GABRB1: variants seen among roughly 807,000 people sequenced by gnomAD.
GABRB1 encodes gamma-aminobutyric acid type A receptor subunit beta1, also known as gamma-aminobutyric acid receptor subunit beta-1.
Under a neutral mutation model 51.6 loss-of-function variants are expected in GABRB1, and 17 were observed. That is an observed-to-expected ratio of 0.33 (90% confidence interval 0.23 to 0.49). GABRB1 has a LOEUF of 0.49. Ranked by LOEUF, GABRB1 falls within the 20% of genes least tolerant of loss-of-function variation. The pLI, the probability that GABRB1 is intolerant of heterozygous loss-of-function variation, is 0.99. For synonymous variants in GABRB1, 247 were observed against 218.9 expected (o/e 1.13, Z -1.14); for missense variants, 410 against 600.6 (o/e 0.68, Z 3.32).
rs146728463 is a variant in GABRB1, at chr4:47,167,910, A to G, written c.461+6441A>G. Among the ~76,000 whole-genome samples, 670 of 152,266 alleles carry G rather than the reference A, an allele frequency of 4.4e-3. 2 individuals carry two copies. The highest frequency in any genetic ancestry group is 0.014 in the South Asian group (66 of 4,830). ...GGGAGCCAGTAAATTTCTGTTTATT[A>G]TAAATTACCCAGTTCATGGTATTCT... On this transcript the variant is annotated intron_variant, in intron 4 of 8. Coordinates refer to ENST00000295454, the MANE Select transcript of GABRB1 (RefSeq NM_000812.4).
At chr4:47,330,089 A>G (rs1279912860) in intron 5 of GABRB1, among the ~76,000 whole-genome samples, 1 of 152,190 alleles carries the variant, frequency 6.6e-6, no homozygotes, top group Non-Finnish European at 1.5e-5. Flanking sequence ...GTTCAAAAGC[A>G]GGAAAAAACC....
chr4:47,008,900 G>T (rs1252977071), intron 1 of GABRB1, among the ~76,000 whole-genome samples: 1 of 48,876 alleles, frequency 2.0e-5, no homozygotes, highest in Non-Finnish European at 3.9e-5. Flanking sequence ...GTCTCGCTCT[G>T]TTTCCCAGGC....
chr4:47,340,656 A>G (rs950877398), intron 5 of GABRB1, among the ~76,000 whole-genome samples: 2 of 152,090 alleles, frequency 1.3e-5, no homozygotes, highest in African/African-American at 4.8e-5. Context: ...TCATGATTTA[A>G]TCACCTCCCA....
rs761354918 is a variant in GABRB1, at chr4:47,161,379, T to C, written c.371T>C (p.Leu124Pro). The change falls in exon 4 of 9, where the codon CTG (leucine) becomes CCG (proline). Residue 124 changes from leucine (L) to proline (P), a missense_variant. Physicochemically the swap from Leu to Pro is moderately conservative, Grantham distance 98. Around this residue, in one of 5 missense-constraint regions of GABRB1, gnomAD observed 100 missense variants for 184.3 expected, o/e 0.54. Transcript: ENST00000295454. ...DQLWVPDTYFLNDKKSFVHGV... is the reference protein window; with the variant it reads ...DQLWVPDTYFPNDKKSFVHGV... ...CTCTGGGTACCAGACACCTACTTTC[T>C]GAATGACAAGAAATCATTTGTGCAT... is the stretch of plus-strand genomic sequence containing the variant. 1 of 1,612,936 alleles carries C rather than the reference T, an allele frequency of 6.2e-7. No homozygotes were observed. Among genetic ancestry groups the C allele is most frequent in the Non-Finnish European group, 8.5e-7 (1 of 1,179,284 alleles).
intron 4 of GABRB1, among the ~76,000 whole-genome samples, chr4:47,196,480 G>C (rs535908353): frequency 6.6e-6 from 1 of 152,290 alleles, no homozygotes; most frequent in South Asian, 2.1e-4. Flanking sequence ...GACGGCCCTT[G>C]TAGAACATGG....
chr4:47,242,061 G>T (rs542657057), intron 4 of GABRB1, among the ~76,000 whole-genome samples: 1 of 144,386 alleles, frequency 6.9e-6, no homozygotes, highest in Non-Finnish European at 1.5e-5. Flanking sequence ...GACAGGCCCC[G>T]GTGTGTGATG....
At chr4:47,140,483 CT>C (rs547825797) in intron 3 of GABRB1, among the ~76,000 whole-genome samples, 3 of 151,836 alleles carry the variant, frequency 2.0e-5, no homozygotes, top group Non-Finnish European at 4.4e-5. Context: ...CTCCTAAACA[CT>C]TTTTTTGTAT....
At chr4:47,382,907 A>G (rs957725974) in intron 5 of GABRB1, among the ~76,000 whole-genome samples, 1 of 152,206 alleles carries the variant, frequency 6.6e-6, no homozygotes, top group Non-Finnish European at 1.5e-5. Flanking sequence ...AGCAAAACCA[A>G]TAATAATCGA....
chr4:47,004,142 C>G (rs1285867712), intron 1 of GABRB1, among the ~76,000 whole-genome samples: 1 of 152,048 alleles, frequency 6.6e-6, no homozygotes, highest in Non-Finnish European at 1.5e-5. Context: ...GCGCGTCCCA[C>G]CAAGCCTGTC....
chr4:47,067,748 T>G (rs116473672), intron 3 of GABRB1, among the ~76,000 whole-genome samples: 2,215 of 152,232 alleles, frequency 0.015, 43 homozygotes, highest in African/African-American at 0.051. Flanking sequence ...AACTTTTATT[T>G]AAGTTCTGGG....
intron 4 of GABRB1, among the ~76,000 whole-genome samples, chr4:47,171,245 T>C (rs1205910265): frequency 2.0e-5 from 3 of 150,392 alleles, no homozygotes; most frequent in Non-Finnish European, 3.0e-5. Context: ...GTATGTCTCG[T>C]GGAAGAATAT....
At chr4:47,198,889 G>A (rs1437679630) in intron 4 of GABRB1, among the ~76,000 whole-genome samples, 1 of 152,130 alleles carries the variant, frequency 6.6e-6, no homozygotes, top group African/African-American at 2.4e-5. Flanking sequence ...CATGGTGGCA[G>A]GTGAGCAGAG....
intron 1 of GABRB1, among the ~76,000 whole-genome samples, chr4:47,024,982 TA>T (rs1488899631): frequency 7.4e-6 from 1 of 134,760 alleles, no homozygotes; most frequent in Non-Finnish European, 1.6e-5. Flanking sequence ...AGCTAACTAA[TA>T]AAATCTTCTA....
intron 3 of GABRB1, among the ~76,000 whole-genome samples, chr4:47,153,440 A>G (rs1191345355): frequency 2.6e-5 from 4 of 152,210 alleles, no homozygotes; most frequent in Non-Finnish European, 4.4e-5. Context: ...AAATTTTATC[A>G]TATCTATTTA....
intron 4 of GABRB1, among the ~76,000 whole-genome samples, chr4:47,274,697 C>T (rs1723015766): frequency 6.6e-6 from 1 of 152,118 alleles, no homozygotes; most frequent in Non-Finnish European, 1.5e-5. Context: ...AGGCAAGTGT[C>T]ACTTCTGAAG....
At chr4:47,377,442 C>T (rs969370217) in intron 5 of GABRB1, among the ~76,000 whole-genome samples, 1 of 151,844 alleles carries the variant, frequency 6.6e-6, no homozygotes, top group Non-Finnish European at 1.5e-5. Flanking sequence ...TTCGTGGTCT[C>T]GGTGGCTCAG....
chr4:47,417,968 T>C (rs536573085), intron 8 of GABRB1, among the ~76,000 whole-genome samples: 13 of 152,284 alleles, frequency 8.5e-5, no homozygotes, highest in Admixed American at 7.8e-4. Flanking sequence ...AAGGCACTCA[T>C]TGAGAATGTT....
At chr4:47,347,887 T>C (rs1220919886) in intron 5 of GABRB1, among the ~76,000 whole-genome samples, 1 of 152,200 alleles carries the variant, frequency 6.6e-6, no homozygotes, top group Admixed American at 6.5e-5. Context: ...GTGATGGGCT[T>C]ATTGAAGGAC....
At chr4:47,245,529 T>A (rs1372695459) in intron 4 of GABRB1, among the ~76,000 whole-genome samples, 1 of 152,018 alleles carries the variant, frequency 6.6e-6, no homozygotes, top group Non-Finnish European at 1.5e-5. Context: ...GATGTGTGCA[T>A]CTCCACAAAA....
Sources: gnomAD v4.1 joint callset for allele counts (sites outside exome capture counted in the v4.1 genomes callset) on GRCh38, gnomAD v4.1.1 for gene constraint, gnomAD v4.1.1 regional missense constraint, MANE v1.5 for transcripts, NCBI Gene and HGNC (gene_info 2026-07-23, HGNC 2026-07-21) for gene names.